The following RSF1 variants were observed in gnomAD, a reference collection of about 807,000 sequenced individuals.
RSF1 encodes the protein HBV pX-associated protein 8.
Under a neutral mutation model 145.2 loss-of-function variants are expected in RSF1, and 13 were observed. That is an observed-to-expected ratio of 0.09 (90% CI 0.06 to 0.14). RSF1 has a LOEUF of 0.14. Ranked by LOEUF, RSF1 falls within the 10% of genes least tolerant of loss-of-function variation. The pLI is 1.00. For missense variants in RSF1, 1,517 were observed against 1,718.2 expected (o/e 0.88, Z 2.07); for synonymous variants, 577 against 592.6 (o/e 0.97, Z 0.38).
At chr11:77,736,891 G>C (rs1961366573) in intron 4 of RSF1, among the ~76,000 whole-genome samples, 1 of 152,204 alleles carries the variant, frequency 6.6e-6, no homozygotes, top group African/African-American at 2.4e-5. Context: ...TATTACACAA[G>C]GATGTATGTA....
At chr11:77,862,549 T>C in the RSF1 span, among the ~76,000 whole-genome samples, 1 of 152,194 alleles carries the variant, frequency 6.6e-6, no homozygotes, top group South Asian at 2.1e-4. Context: ...GTTTACCCCT[T>C]TGTCTATCTC....
intron 1 of RSF1, among the ~76,000 whole-genome samples, chr11:77,774,849 C>G (rs1948325668): frequency 6.6e-6 from 1 of 151,004 alleles, no homozygotes; most frequent in Non-Finnish European, 1.5e-5. Context: ...TTGCTGCAAC[C>G]TCTGCTTCCC....
chr11:77,767,315 A>ACTAT (rs1948236361), intron 1 of RSF1, among the ~76,000 whole-genome samples: 1 of 152,076 alleles, frequency 6.6e-6, no homozygotes, highest in East Asian at 1.9e-4. Flanking sequence ...CTAGGACATG[A>ACTAT]CTATACCTTC....
the RSF1 span, among the ~76,000 whole-genome samples, chr11:77,844,463 A>G: frequency 6.6e-6 from 1 of 152,038 alleles, no homozygotes; most frequent in Non-Finnish European, 1.5e-5. Context: ...CCTGGGTGAA[A>G]GGGATCTTCC....
At chr11:77,732,023 C>T (rs974437533) in intron 4 of RSF1, among the ~76,000 whole-genome samples, 3 of 152,200 alleles carry the variant, frequency 2.0e-5, no homozygotes, top group African/African-American at 7.2e-5. Context: ...CCACTGATAG[C>T]TTGCACCGTG....
chr11:77,864,453 T>C, the RSF1 span, among the ~76,000 whole-genome samples: 1 of 151,120 alleles, frequency 6.6e-6, no homozygotes, highest in Middle Eastern at 3.2e-3. Context: ...AAATAAAAAA[T>C]AAAAAAAAGA....
At chr11:77,868,240 G>A in the RSF1 span, among the ~76,000 whole-genome samples, 1 of 151,014 alleles carries the variant, frequency 6.6e-6, no homozygotes, top group African/African-American at 2.4e-5. Context: ...TATGTTTAGT[G>A]GAGACGGGGT....
intron 1 of RSF1, among the ~76,000 whole-genome samples, chr11:77,773,623 T>C (rs1482311138): frequency 6.6e-6 from 1 of 152,210 alleles, no homozygotes; most frequent in Non-Finnish European, 1.5e-5. Flanking sequence ...AGTGGTGTGA[T>C]AATTTTTAAA....
At chr11:77,778,471 A>C (rs1443746122) in intron 1 of RSF1, among the ~76,000 whole-genome samples, 1 of 152,098 alleles carries the variant, frequency 6.6e-6, no homozygotes, top group Non-Finnish European at 1.5e-5. Context: ...AAACATGTGG[A>C]AACTTTTTTT....
At chr11:77,726,141 C>T (rs1961049555) in intron 4 of RSF1, among the ~76,000 whole-genome samples, 1 of 152,260 alleles carries the variant, frequency 6.6e-6, no homozygotes, top group South Asian at 2.1e-4. Flanking sequence ...GACACTGCTA[C>T]AAAATTAAGA....
intron 1 of RSF1, among the ~76,000 whole-genome samples, chr11:77,772,423 C>T (rs1334439489): frequency 6.6e-6 from 1 of 152,180 alleles, no homozygotes; most frequent in Non-Finnish European, 1.5e-5. Context: ...ATCCGCCCAT[C>T]TTGGCCTCCC....
intron 7 of RSF1, 108 bp downstream of exon 7, chr11:77,698,379 T>C: frequency 1.1e-6 from 1 of 889,432 alleles, no homozygotes; most frequent in South Asian, 1.5e-5. Flanking sequence ...GCATACAAGT[T>C]ATCATTAAGA....
chr11:77,741,244 T>C (rs971447893), intron 3 of RSF1, among the ~76,000 whole-genome samples: 1 of 152,178 alleles, frequency 6.6e-6, no homozygotes, highest in African/African-American at 2.4e-5. Context: ...TCTCATGGTA[T>C]AAGATTTTCT....
intron 7 of RSF1, 34 bp from the exon 8 acceptor site, chr11:77,693,645 G>A (rs1960211261): frequency 6.8e-7 from 1 of 1,473,816 alleles, no homozygotes; most frequent in Non-Finnish European, 9.5e-7. Flanking sequence ...ACCTAACTAT[G>A]ACTAAAATTC....
In RSF1 at chr11:77,693,587, T is replaced by C. The variant is rs549939979; in HGVS notation, c.2740A>G (p.Ser914Gly). The stretch of plus-strand genomic sequence containing the variant: ...CGAAGGCAGGCAGTATGGTATCCAC[T>C]ATCGCAAGAGTCACACAGAAGAATC... ...ELILLCDSCD[S>G]GYHTACLRPP... The change falls in exon 8 of 16, where the codon AGT becomes GGT. Residue 914 changes from serine (S) to glycine (G), a missense_variant. Physicochemically the swap from Ser to Gly is moderately conservative, Grantham distance 56. Transcript: ENST00000308488. The C allele has an allele frequency of 2.5e-6, 4 of 1,613,670 alleles. No individual in the cohort carries two copies. In the South Asian group the frequency reaches 3.3e-5, roughly 13 times the overall value.
At chr11:77,791,915 C>T (rs1948521402) in intron 1 of RSF1, among the ~76,000 whole-genome samples, 1 of 152,206 alleles carries the variant, frequency 6.6e-6, no homozygotes, top group Non-Finnish European at 1.5e-5. Context: ...CCAACCTCTG[C>T]CTGTTACCCA....
At chr11:77,680,298 G>C (rs1435245739) in intron 11 of RSF1, among the ~76,000 whole-genome samples, 2 of 152,018 alleles carry the variant, frequency 1.3e-5, no homozygotes, top group African/African-American at 4.8e-5. Context: ...AAATTAGCCA[G>C]GTGTGGTGAT....
chr11:77,871,678 C>A, the RSF1 span, among the ~76,000 whole-genome samples: 1 of 152,142 alleles, frequency 6.6e-6, no homozygotes, highest in South Asian at 2.1e-4. Context: ...AAAGAGCTAG[C>A]CTAACATTTC....
chr11:77,826,133 C>T, the RSF1 span, among the ~76,000 whole-genome samples: 2 of 152,082 alleles, frequency 1.3e-5, no homozygotes, highest in Admixed American at 1.3e-4. Context: ...ATAATCTCAG[C>T]ACTCTGAGAG....
Sources: gnomAD v4.1 joint callset for allele counts (sites outside exome capture counted in the v4.1 genomes callset) on GRCh38, gnomAD v4.1.1 for gene constraint, MANE v1.5 for transcripts, NCBI Gene and HGNC (gene_info 2026-07-23, HGNC 2026-07-21) for gene names.